The following HSD17B4 variants were observed in gnomAD, a reference collection of about 807,000 sequenced individuals.
The protein encoded by HSD17B4 is hydroxysteroid 17-beta dehydrogenase 4.
In HSD17B4, 70 loss-of-function variants were observed where a neutral mutation model predicts 101.0. That is an observed-to-expected ratio of 0.69 (90% CI 0.57 to 0.85). The LOEUF is 0.85. HSD17B4 is among the 40% of genes least tolerant of loss of function. The pLI, the probability that HSD17B4 is intolerant of heterozygous loss-of-function variation, is 0.00. For synonymous variants in HSD17B4, 347 were observed against 297.1 expected (o/e 1.17, Z -1.73); for missense variants, 984 against 892.4 (o/e 1.10, Z -1.31).
intron 12 of HSD17B4, 93 bp from the exon 13 acceptor site, chr5:119,499,224 C>T: frequency 1.3e-6 from 1 of 796,152 alleles, no homozygotes; most frequent in South Asian, 1.4e-5. Context: ...ACATTCTAGT[C>T]ACATCTATTC....
intron 17 of HSD17B4, among the ~76,000 whole-genome samples, chr5:119,521,054 C>T (rs748566747): frequency 5.9e-5 from 9 of 152,156 alleles, no homozygotes; most frequent in Non-Finnish European, 1.2e-4. Context: ...TTAGTCAGCT[C>T]TTAGTTGGAT....
At chr5:119,499,894 C>T (rs1013708366) in intron 13 of HSD17B4, among the ~76,000 whole-genome samples, 3 of 152,138 alleles carry the variant, frequency 2.0e-5, no homozygotes, top group Admixed American at 6.5e-5. Flanking sequence ...TGATAATCCT[C>T]ACCTCATGAC....
At chr5:119,453,401 G>A (rs1337689343) in intron 1 of HSD17B4, among the ~76,000 whole-genome samples, 1 of 152,178 alleles carries the variant, frequency 6.6e-6, no homozygotes, top group Non-Finnish European at 1.5e-5. Context: ...ATTGTTATGT[G>A]AAATAGCCCC....
intron 17 of HSD17B4, among the ~76,000 whole-genome samples, chr5:119,519,623 T>C (rs941786299): frequency 6.6e-6 from 1 of 152,210 alleles, no homozygotes; most frequent in Non-Finnish European, 1.5e-5. Context: ...GATCAGCCCA[T>C]GTTTTAGATG....
At chr5:119,480,814 G>T (rs1462059611) in intron 8 of HSD17B4, among the ~76,000 whole-genome samples, 4 of 152,178 alleles carry the variant, frequency 2.6e-5, no homozygotes, top group Non-Finnish European at 4.4e-5. Flanking sequence ...GGCCAGTTCA[G>T]AGACCTACCC....
chr5:119,457,539 A>G (rs2126616092), intron 2 of HSD17B4, among the ~76,000 whole-genome samples: 2 of 152,314 alleles, frequency 1.3e-5, no homozygotes, highest in Middle Eastern at 3.4e-3. Context: ...TTCTTCTGGC[A>G]GGGATGAATT....
chr5:119,535,098 A>G (rs1754424617), intron 22 of HSD17B4, among the ~76,000 whole-genome samples: 2 of 151,954 alleles, frequency 1.3e-5, no homozygotes, highest in Non-Finnish European at 2.9e-5. Context: ...TTTCCATCAT[A>G]TGTGTTTTTT....
chr5:119,501,828 T>A (rs1158071385), intron 13 of HSD17B4, among the ~76,000 whole-genome samples: 2 of 152,150 alleles, frequency 1.3e-5, no homozygotes, highest in African/African-American at 4.8e-5. Flanking sequence ...CACAAATATA[T>A]CTTCTCTGCT....
At chr5:119,472,177 T>C (rs1580539973) in intron 2 of HSD17B4, among the ~76,000 whole-genome samples, 1 of 152,212 alleles carries the variant, frequency 6.6e-6, no homozygotes, top group Non-Finnish European at 1.5e-5. Context: ...ACACTGTGTG[T>C]TGTAAAAACT....
intron 23 of HSD17B4, 51 bp downstream of exon 23, chr5:119,536,601 G>T (rs2126916391): frequency 1.3e-6 from 2 of 1,580,940 alleles, no homozygotes; most frequent in South Asian, 2.2e-5. Context: ...TTCCTCTTTT[G>T]ACAATTGCAG....
chr5:119,494,300 T>G (rs1352984531), intron 11 of HSD17B4, among the ~76,000 whole-genome samples: 1 of 151,936 alleles, frequency 6.6e-6, no homozygotes, highest in African/African-American at 2.4e-5. Context: ...TACCATATTT[T>G]TCTCTTTCTT....
At chr5:119,524,415 A>T (rs1012157060) in intron 17 of HSD17B4, among the ~76,000 whole-genome samples, 1 of 152,154 alleles carries the variant, frequency 6.6e-6, no homozygotes, top group Admixed American at 6.6e-5. Context: ...TCTTTGGAAA[A>T]CAGCACAGCA....
chr5:119,521,041 T>A (rs1753072098), intron 17 of HSD17B4, among the ~76,000 whole-genome samples: 1 of 152,234 alleles, frequency 6.6e-6, no homozygotes. Context: ...TTGCCAAAGC[T>A]TCTTAGTCAG....
intron 4 of HSD17B4, among the ~76,000 whole-genome samples, chr5:119,475,426 C>G (rs1748487744): frequency 6.6e-6 from 1 of 152,042 alleles, no homozygotes; most frequent in Non-Finnish European, 1.5e-5. Flanking sequence ...TGTAAAATGG[C>G]TAATTCTATA....
In HSD17B4 at chr5:119,536,512, T is replaced by G. The variant is rs903584102; in HGVS notation, c.2083T>G (p.Phe695Val). ...AACAATCATACTTTCAGATGAAGAT[T>G]TCATGGAGGTGGTCCTGGGCAAGCT... ...DTTIILSDED[F>V]MEVVLGKLDP... Residue 695 changes from phenylalanine (F) to valine (V), a missense_variant, in exon 23 of 24, where the codon TTC (phenylalanine) becomes GTC (valine). Transcript: ENST00000510025. 6.2e-7 allele frequency: 1 copy of G among 1,612,142 alleles called. No individual in the cohort carries two copies. The highest frequency in any genetic ancestry group is 1.3e-5 in the African/African-American group (1 of 74,862).
chr5:119,539,445 G>C (rs576557238), intron 23 of HSD17B4, among the ~76,000 whole-genome samples: 2 of 73,712 alleles, frequency 2.7e-5, no homozygotes, highest in Admixed American at 3.3e-4. Context: ...GGTTGGGGGA[G>C]GGGGGGAGGG....
intron 2 of HSD17B4, among the ~76,000 whole-genome samples, chr5:119,469,863 T>A (rs1164311617): frequency 3.9e-5 from 6 of 152,330 alleles, no homozygotes; most frequent in Non-Finnish European, 2.9e-5. Context: ...CAACAGTGTC[T>A]GTATGTGCCT....
At chr5:119,540,881 G>C (rs762217599) in intron 23 of HSD17B4, among the ~76,000 whole-genome samples, 3 of 152,104 alleles carry the variant, frequency 2.0e-5, no homozygotes, top group Non-Finnish European at 4.4e-5. Context: ...CTGAAATTCA[G>C]TTTCTCATCT....
intron 1 of HSD17B4, 128 bp from the exon 2 acceptor site, chr5:119,456,187 T>C: frequency 1.4e-6 from 1 of 727,010 alleles, no homozygotes; most frequent in Middle Eastern, 2.3e-4. Context: ...AGTGATAGGA[T>C]AGGTTGAGAG....
Sources: gnomAD v4.1 joint callset for allele counts (sites outside exome capture counted in the v4.1 genomes callset) on GRCh38, gnomAD v4.1.1 for gene constraint, MANE v1.5 for transcripts, NCBI Gene and HGNC (gene_info 2026-07-23, HGNC 2026-07-21) for gene names.